UTRN: variants seen among roughly 807,000 people sequenced by gnomAD.
The protein encoded by UTRN is utrophin.
A neutral mutation model predicts 463.9 loss-of-function variants in UTRN; 283 were observed. The ratio of observed to expected loss-of-function variants is 0.61; its 90% CI spans 0.55 to 0.67. The LOEUF (loss-of-function observed/expected upper bound fraction) is 0.67. UTRN is among the 30% of genes least tolerant of loss of function. UTRN has a pLI of 0.00. For synonymous variants in UTRN, 1,442 were observed against 1,431.5 expected (o/e 1.01, Z -0.17); for missense variants, 3,922 against 4,084.3 (o/e 0.96, Z 1.08).
intron 2 of UTRN, among the ~76,000 whole-genome samples, chr6:144,346,961 G>A (rs1777640139): frequency 6.6e-6 from 1 of 151,572 alleles, no homozygotes. Flanking sequence ...ATTTTCACTA[G>A]ATGCTAACAA....
In UTRN at chr6:144,561,254, T is replaced by TACACAC. The variant is rs1338147363; in HGVS notation, c.7289+3944_7289+3945insCACACA. On this transcript the variant is annotated intron_variant, in intron 50 of 74. Transcript: ENST00000367545. ...ATATATATATATATATATATATATA[T>TACACAC]ATATATACATACACACACACACGTA... is the stretch of plus-strand genomic sequence containing the variant. 7.5e-3 allele frequency among the ~76,000 whole-genome samples: 412 copies of TACACAC among 54,768 alleles called. 7 individuals carry two copies. Among genetic ancestry groups the TACACAC allele is most frequent in the Admixed American group, 0.013 (59 of 4,630 alleles). The allele number at this position is 54,768 out of a possible 152,430, so 35.9% of individuals were successfully genotyped here. A position where few individuals can be genotyped will look rare whatever the true frequency, so the allele number is the denominator to read the frequency against.
At chr6:144,784,866 A>G (rs1002757475) in intron 61 of UTRN, among the ~76,000 whole-genome samples, 1 of 152,234 alleles carries the variant, frequency 6.6e-6, no homozygotes, top group African/African-American at 2.4e-5. Context: ...ATCTTTCAGG[A>G]CTAACCTCCC....
At chr6:144,289,243 T>G (rs615755) in intron 1 of UTRN, among the ~76,000 whole-genome samples, 79,808 of 151,996 alleles carry the variant, frequency 0.53, 22,800 homozygotes, top group African/African-American at 0.76. Flanking sequence ...CCTAATTGCC[T>G]AAGCCAAAAT....
intron 39 of UTRN, among the ~76,000 whole-genome samples, chr6:144,518,500 C>T (rs999260399): frequency 2.6e-5 from 4 of 152,120 alleles, no homozygotes; most frequent in African/African-American, 4.8e-5. Flanking sequence ...AATTTTATTC[C>T]GATTCCCTAG....
chr6:144,825,070 C>T (rs1201487826), intron 66 of UTRN, among the ~76,000 whole-genome samples: 1 of 152,042 alleles, frequency 6.6e-6, no homozygotes, highest in Non-Finnish European at 1.5e-5. Context: ...AGGTATAAGC[C>T]ACCGAGCCTG....
intron 9 of UTRN, among the ~76,000 whole-genome samples, chr6:144,433,214 C>T (rs1202824043): frequency 4.6e-5 from 7 of 151,734 alleles, no homozygotes; most frequent in East Asian, 3.9e-4. Context: ...ACCTCCCAGA[C>T]GGGGTGGTGG....
intron 69 of UTRN, among the ~76,000 whole-genome samples, chr6:144,832,116 C>T (rs1382759442): frequency 2.6e-5 from 4 of 152,070 alleles, no homozygotes; most frequent in East Asian, 1.9e-4. Context: ...CCAAGACATA[C>T]GATTGATGTT....
chr6:144,584,990 C>CT (rs1458100641), intron 51 of UTRN, among the ~76,000 whole-genome samples: 7 of 151,672 alleles, frequency 4.6e-5, no homozygotes, highest in South Asian at 2.1e-4. Flanking sequence ...ATAAAGCTTT[C>CT]TTTTTTTTAA....
intron 2 of UTRN, among the ~76,000 whole-genome samples, chr6:144,297,059 C>T (rs1213875579): frequency 1.3e-5 from 2 of 151,452 alleles, no homozygotes; most frequent in Non-Finnish European, 2.9e-5. Context: ...TTTCTTCTGA[C>T]TACTGCTCAA....
chr6:144,347,875 G>A (rs1001172570), intron 2 of UTRN, among the ~76,000 whole-genome samples: 12 of 134,238 alleles, frequency 8.9e-5, no homozygotes, highest in Non-Finnish European at 8.9e-5. Flanking sequence ...ACTAAGTCTC[G>A]CTGTGTTGCC....
At chr6:144,520,041 A>G (rs1393696592) in intron 39 of UTRN, among the ~76,000 whole-genome samples, 2 of 152,232 alleles carry the variant, frequency 1.3e-5, no homozygotes, top group Non-Finnish European at 2.9e-5. Flanking sequence ...TACAAGCATA[A>G]TAAAGTAGTT....
intron 72 of UTRN, among the ~76,000 whole-genome samples, chr6:144,840,298 A>G (rs1781453209): frequency 6.6e-6 from 1 of 152,328 alleles, no homozygotes; most frequent in South Asian, 2.1e-4. Context: ...ATCTTAAATA[A>G]GATGCCTTTA....
chr6:144,682,859 T>C (rs1365496926), intron 52 of UTRN, among the ~76,000 whole-genome samples: 2 of 152,228 alleles, frequency 1.3e-5, no homozygotes, highest in Non-Finnish European at 2.9e-5. Flanking sequence ...GCACGTGGTA[T>C]GTGTTCAGTA....
intron 50 of UTRN, among the ~76,000 whole-genome samples, chr6:144,575,601 A>G (rs534799819): frequency 6.6e-6 from 1 of 152,278 alleles, no homozygotes; most frequent in East Asian, 1.9e-4. Flanking sequence ...TACACAGTAT[A>G]TTGTTATGAT....
Position 144,516,333 on chromosome 6 carries a change from A to C in UTRN, c.5349A>C (p.Glu1783Asp). Residue 1783 changes from glutamate to aspartate, a missense_variant, in exon 38 of 75, where the codon GAA (glutamate) becomes GAC (aspartate). Glu to Asp is a conservative substitution (Grantham distance 45). Coordinates refer to ENST00000367545, the MANE Select transcript of UTRN (RefSeq NM_007124.3). Reference sequence around the variant, plus strand: ...TGGAAAAATTAGAAAATGACATAGAAAATATGTTAAAATTTGTGGAAAAAC... The same window carrying C: ...TGGAAAAATTAGAAAATGACATAGACAATATGTTAAAATTTGTGGAAAAAC... ...SDLEKLENDI[E>D]NMLKFVEKHL... is the part of the protein sequence containing the mutation. The C allele has an allele frequency of 6.2e-7, 1 of 1,613,786 alleles. No homozygotes were observed. Among genetic ancestry groups the C allele is most frequent in the Non-Finnish European group, 8.5e-7 (1 of 1,179,888 alleles).
At chr6:144,594,493 A>T (rs1422556553) in intron 51 of UTRN, among the ~76,000 whole-genome samples, 3 of 152,200 alleles carry the variant, frequency 2.0e-5, no homozygotes, top group African/African-American at 7.2e-5. Flanking sequence ...TTCTGTGGAC[A>T]AAACAGTATT....
In UTRN at chr6:144,539,444, G is replaced by T; in HGVS notation, c.6519+1G>T. ...GACTGTAAATATGACATGGAATAAG[G>T]TGTGTGTAAAGTTACTATCACACAT... On this transcript the variant is annotated splice_donor_variant, in intron 45 of 74. Coordinates refer to ENST00000367545, the MANE Select transcript of UTRN (RefSeq NM_007124.3). LOFTEE classifies it high-confidence loss of function. 2 of 1,590,302 alleles carry T rather than the reference G, an allele frequency of 1.3e-6. No homozygotes were observed. Among genetic ancestry groups the T allele is most frequent in the Non-Finnish European group, 8.6e-7 (1 of 1,168,684 alleles).
intron 51 of UTRN, among the ~76,000 whole-genome samples, chr6:144,586,151 G>A (rs1802444089): frequency 6.6e-6 from 1 of 151,972 alleles, no homozygotes; most frequent in African/African-American, 2.4e-5. Context: ...TGTTACACGA[G>A]TAGATACTTG....
chr6:144,541,234 G>A (rs1797952388), intron 45 of UTRN, among the ~76,000 whole-genome samples: 1 of 152,110 alleles, frequency 6.6e-6, no homozygotes, highest in Non-Finnish European at 1.5e-5. Flanking sequence ...CTCATGGCCT[G>A]GCGTCCTGTG....
Sources: gnomAD v4.1 joint callset for allele counts (sites outside exome capture counted in the v4.1 genomes callset) on GRCh38, gnomAD v4.1.1 for gene constraint, MANE v1.5 for transcripts, NCBI Gene and HGNC (gene_info 2026-07-23, HGNC 2026-07-21) for gene names.